CTNNA3: variants seen among roughly 807,000 people sequenced by gnomAD.
The protein encoded by CTNNA3 is catenin alpha-3.
CTNNA3 carries 76 observed loss-of-function variants against 95.7 expected under a neutral mutation model. The ratio of observed to expected loss-of-function variants is 0.79; its 90% CI spans 0.66 to 0.96. The LOEUF (loss-of-function observed/expected upper bound fraction) is 0.96, where lower values mean the gene tolerates loss of function less well. Ranked by LOEUF, CTNNA3 falls within the 40% of genes least tolerant of loss-of-function variation. CTNNA3 has a pLI of 0.00. For missense variants in CTNNA3, 1,191 were observed against 1,089.8 expected (o/e 1.09, Z -1.31); for synonymous variants, 431 against 374.4 (o/e 1.15, Z -1.74).
chr10:66,515,946 G>C (rs1282211229), intron 11 of CTNNA3, among the ~76,000 whole-genome samples: 3 of 149,802 alleles, frequency 2.0e-5, no homozygotes, highest in African/African-American at 7.4e-5. Flanking sequence ...ACAAGTACCA[G>C]ATAAGTTATT....
At chr10:67,091,399 T>C (rs551924555) in intron 7 of CTNNA3, among the ~76,000 whole-genome samples, 43 of 151,934 alleles carry the variant, frequency 2.8e-4, no homozygotes, top group African/African-American at 9.9e-4. Context: ...GTAAATAATA[T>C]ATTTAAGGAT....
intron 12 of CTNNA3, among the ~76,000 whole-genome samples, chr10:66,307,731 C>A (rs1466816106): frequency 6.6e-6 from 1 of 152,148 alleles, no homozygotes; most frequent in Non-Finnish European, 1.5e-5. Flanking sequence ...GATCTAAAGA[C>A]TTAAGTTTCA....
At chr10:66,923,010 A>G (rs1846867663) in intron 7 of CTNNA3, among the ~76,000 whole-genome samples, 1 of 152,146 alleles carries the variant, frequency 6.6e-6, no homozygotes, top group South Asian at 2.1e-4. Flanking sequence ...TTCATTATTG[A>G]CTATAGTCAC....
chr10:66,961,466 T>C (rs1849105078), intron 7 of CTNNA3, among the ~76,000 whole-genome samples: 1 of 152,206 alleles, frequency 6.6e-6, no homozygotes, highest in Non-Finnish European at 1.5e-5. Flanking sequence ...CACTCACTGG[T>C]GATTTTCTTC....
intron 10 of CTNNA3, among the ~76,000 whole-genome samples, chr10:66,544,032 G>A (rs1209758483): frequency 6.8e-6 from 1 of 147,162 alleles, no homozygotes; most frequent in Non-Finnish European, 1.5e-5. Context: ...AGCTCCATTA[G>A]TAATTTTATT....
intron 7 of CTNNA3, among the ~76,000 whole-genome samples, chr10:66,933,764 G>C (rs1847539373): frequency 6.6e-6 from 1 of 152,134 alleles, no homozygotes. Flanking sequence ...ATATGTCATT[G>C]CTTATGCAAA....
At chr10:66,405,318 C>T (rs1484404019) in intron 11 of CTNNA3, among the ~76,000 whole-genome samples, 1 of 152,018 alleles carries the variant, frequency 6.6e-6, no homozygotes, top group Non-Finnish European at 1.5e-5. Context: ...AAATAAGTGA[C>T]CTGATGTCTA....
chr10:66,160,341 G>A (rs1000144300), intron 13 of CTNNA3, among the ~76,000 whole-genome samples: 4 of 151,770 alleles, frequency 2.6e-5, no homozygotes, highest in South Asian at 2.1e-4. Context: ...TTTTAGCACC[G>A]CCTCTGCTAA....
At chr10:67,357,911 G>T (rs1373200627) in intron 5 of CTNNA3, among the ~76,000 whole-genome samples, 1 of 152,030 alleles carries the variant, frequency 6.6e-6, no homozygotes, top group Admixed American at 6.6e-5. Context: ...AGTAATCACC[G>T]CAACACATTT....
intron 9 of CTNNA3, among the ~76,000 whole-genome samples, chr10:66,724,158 T>C (rs1848712036): frequency 6.6e-6 from 1 of 152,138 alleles, no homozygotes; most frequent in African/African-American, 2.4e-5. Context: ...AACGATGAAG[T>C]ACTTGCATGA....
At chr10:66,339,991 A>G (rs558594687) in intron 12 of CTNNA3, among the ~76,000 whole-genome samples, 1 of 151,704 alleles carries the variant, frequency 6.6e-6, no homozygotes, top group South Asian at 2.1e-4. Flanking sequence ...TCCCTCATGC[A>G]TGATACTTAT....
chr10:66,008,615 T>G (rs1283255311), intron 15 of CTNNA3, among the ~76,000 whole-genome samples: 1 of 152,234 alleles, frequency 6.6e-6, no homozygotes, highest in Non-Finnish European at 1.5e-5. Flanking sequence ...TCTATGTTTC[T>G]TTATGTTATA....
At chr10:67,692,102 C>A (rs191798086) in intron 1 of CTNNA3, among the ~76,000 whole-genome samples, 1 of 138,432 alleles carries the variant, frequency 7.2e-6, no homozygotes, top group South Asian at 2.4e-4. Flanking sequence ...CAGCTGCCCC[C>A]TCCGGGAGGG....
intron 2 of CTNNA3, among the ~76,000 whole-genome samples, chr10:67,614,605 G>A (rs942845203): frequency 3.9e-5 from 6 of 152,136 alleles, no homozygotes; most frequent in African/African-American, 1.4e-4. Context: ...AGTAATGCAA[G>A]CGATGGGGGT....
chr10:66,325,240 G>A lies in CTNNA3; in HGVS notation c.1733-44619C>T, dbSNP rs575848378. 1.1e-4 allele frequency among the ~76,000 whole-genome samples: 17 copies of A among 152,146 alleles called. No individual in the cohort carries two copies. In the South Asian group the frequency reaches 3.5e-3, roughly 32 times the overall value. ...TATCAGTTTTTGTTTAGTATTGACT[G>A]TTTTCTGTACATTAAAGGGTGAAAG... On this transcript the variant is annotated intron_variant, in intron 12 of 17. Coordinates refer to ENST00000433211, the MANE Select transcript of CTNNA3 (RefSeq NM_013266.4).
At position 66,542,256 on chromosome 10, in the gene CTNNA3, T is replaced by A. The variant is rs540489625; in HGVS notation, c.1375-21483A>T. On this transcript the variant is annotated intron_variant, in intron 10 of 17. Transcript: ENST00000433211. The stretch of plus-strand genomic sequence containing the variant: ...AGGAAACAACAGGTGCTGGAGAGGA[T>A]GTGGAGAAATAGGAACACTTTTACA... Among the ~76,000 whole-genome samples, 63 of 152,094 alleles carry A rather than the reference T, an allele frequency of 4.1e-4. No homozygotes were observed. In the East Asian group the frequency reaches 9.9e-3, roughly 24 times the overall value.
chr10:66,897,252 AGAT>A (rs1845535134), intron 7 of CTNNA3, among the ~76,000 whole-genome samples: 1 of 151,944 alleles, frequency 6.6e-6, no homozygotes, highest in South Asian at 2.1e-4. Flanking sequence ...GAAAATATAA[AGAT>A]GTGTGTGTGT....
chr10:67,575,983 T>C lies in CTNNA3; in HGVS notation c.292+30874A>G, dbSNP rs564794992. Among the ~76,000 whole-genome samples, 6 of 152,264 alleles carry C rather than the reference T, an allele frequency of 3.9e-5. No individual in the cohort carries two copies. The South Asian group carries it at 1.2e-3, about 32-fold the overall frequency. On this transcript the variant is annotated intron_variant, in intron 3 of 17. Transcript: ENST00000433211. ...AATGGTCTGAGCAAAGATAGATTAG[T>C]AGAGTTAAAAGGATTATGGTAAATA...
chr10:66,645,401 T>C (rs561047387), intron 9 of CTNNA3, among the ~76,000 whole-genome samples: 1 of 152,304 alleles, frequency 6.6e-6, no homozygotes, highest in South Asian at 2.1e-4. Flanking sequence ...GTGTGAGACT[T>C]CGTTCGGAAC....
Sources: gnomAD v4.1 joint callset for allele counts (sites outside exome capture counted in the v4.1 genomes callset) on GRCh38, gnomAD v4.1.1 for gene constraint, MANE v1.5 for transcripts, NCBI Gene and HGNC (gene_info 2026-07-23, HGNC 2026-07-21) for gene names.